Variants in SLC5A11 observed in about 807,000 individuals in gnomAD.
SLC5A11 encodes the protein solute carrier family 5 member 11.
SLC5A11 carries 48 observed loss-of-function variants against 69.8 expected under a neutral mutation model. The ratio of observed to expected loss-of-function variants is 0.69; its 90% CI spans 0.55 to 0.87. SLC5A11 has a LOEUF of 0.87. Among genes scored for constraint, SLC5A11 ranks in the 40% least tolerant of loss-of-function variants. SLC5A11 has a pLI of 0.00. For synonymous variants in SLC5A11, 319 were observed against 342.4 expected, an observed-to-expected ratio of 0.93 and a Z score of 0.75; for missense variants, 784 against 866.1, an observed-to-expected ratio of 0.91 and a Z score of 1.19.
At chr16:24,885,835 G>A (rs1006399856) in intron 8 of SLC5A11, among the ~76,000 whole-genome samples, 2 of 151,912 alleles carry the variant, frequency 1.3e-5, no homozygotes, top group Admixed American at 1.3e-4. Flanking sequence ...TATGAAACAT[G>A]TATGAAAGAT....
intron 1 of SLC5A11, among the ~76,000 whole-genome samples, chr16:24,851,994 T>C (rs274114): frequency 0.5 from 62,482 of 125,904 alleles, 15,731 homozygotes; most frequent in Middle Eastern, 0.63. Context: ...TCTCTCTCTC[T>C]CCCACTCTAT....
chr16:24,898,102 C>A (rs1333320950), exon 10 of SLC5A11: 17 of 1,613,856 alleles, frequency 1.1e-5, no homozygotes, highest in Non-Finnish European at 5.9e-6. Flanking sequence ...GCCGCATCCT[C>A]TTCCCAGGTG....
At chr16:24,890,139 G>A (rs575159024) in intron 8 of SLC5A11, among the ~76,000 whole-genome samples, 3 of 152,200 alleles carry the variant, frequency 2.0e-5, no homozygotes, top group South Asian at 2.1e-4. Context: ...TTTCTATACC[G>A]CACTTCTTAA....
chr16:24,852,944 C>T (rs2059376009), intron 1 of SLC5A11, among the ~76,000 whole-genome samples: 1 of 150,644 alleles, frequency 6.6e-6, no homozygotes, highest in African/African-American at 2.5e-5. Flanking sequence ...TTCCCAGGGC[C>T]TAGCACAGAG....
chr16:24,891,061 G>C, exon 9 of SLC5A11: 1 of 1,614,046 alleles, frequency 6.2e-7, no homozygotes, highest in Non-Finnish European at 8.5e-7. Flanking sequence ...CTCTGGTACT[G>C]GTGCACGGAT....
In SLC5A11 at chr16:24,868,328, T is replaced by C. The variant is rs376656835; in HGVS notation, c.208-1573T>C. On this transcript the variant is annotated intron_variant, in intron 3 of 15. Coordinates refer to ENST00000347898, the Ensembl canonical transcript of SLC5A11. ...ATTAGAGGCCAGGTGTGGTGGCTCATGCCTGTAATCCCAGCACTTTGGGAG... is the reference window on the plus strand; with the variant it reads ...ATTAGAGGCCAGGTGTGGTGGCTCACGCCTGTAATCCCAGCACTTTGGGAG... Among the ~76,000 whole-genome samples, 460 of 149,160 alleles carry C rather than the reference T, an allele frequency of 3.1e-3. 4 individuals carry two copies. Among genetic ancestry groups the C allele is most frequent in the Middle Eastern group, 0.021 (6 of 284 alleles).
chr16:24,905,644 A>G (rs200505524), intron 10 of SLC5A11, among the ~76,000 whole-genome samples: 21,522 of 61,872 alleles, frequency 0.35, 1,654 homozygotes, highest in African/African-American at 0.4. Context: ...GCGCGCGCAC[A>G]CACACACACA....
intron 1 of SLC5A11, among the ~76,000 whole-genome samples, chr16:24,854,144 G>A (rs933400604): frequency 3.3e-5 from 5 of 152,198 alleles, no homozygotes; most frequent in African/African-American, 7.2e-5. Flanking sequence ...TGGAAGGGGC[G>A]GGCAGGGACA....
chr16:24,873,201 G>A (rs2047429586), intron 5 of SLC5A11, among the ~76,000 whole-genome samples: 1 of 142,880 alleles, frequency 7.0e-6, no homozygotes, highest in African/African-American at 2.6e-5. Flanking sequence ...AAAGGGAAAG[G>A]AGAAGAAGGA....
intron 2 of SLC5A11, among the ~76,000 whole-genome samples, chr16:24,860,166 A>G (rs1300618636): frequency 6.6e-6 from 1 of 152,232 alleles, no homozygotes; most frequent in South Asian, 2.1e-4. Flanking sequence ...GGGTGCCTAT[A>G]GTCCCAGCTA....
chr16:24,890,552 G>GA (rs2048722938), intron 8 of SLC5A11, among the ~76,000 whole-genome samples: 1 of 126,012 alleles, frequency 7.9e-6, no homozygotes, highest in African/African-American at 3.2e-5. Flanking sequence ...AAGAAAGAAA[G>GA]AAAGAAAAAA....
At chr16:24,911,342 A>G (rs547836880) in exon 16 of SLC5A11, 1 of 1,613,976 alleles carries the variant, frequency 6.2e-7, no homozygotes, top group East Asian at 2.2e-5. Context: ...CATGACCCCA[A>G]AGCAGTCCAA....
chr16:24,908,866 G>T lies in SLC5A11; in HGVS notation c.1435-15G>T, dbSNP rs1160088069. On this transcript the variant is annotated splice_polypyrimidine_tract_variant and intron_variant, in intron 13 of 15. Transcript: ENST00000347898. ...CCCTTGGCGTCTCTAAGATGATCTT[G>T]CTCTGATTTTGCAGGGTGCCTTCTG... 1 of 1,610,624 alleles carries T rather than the reference G, an allele frequency of 6.2e-7. No individual in the cohort carries two copies. The highest frequency in any genetic ancestry group is 8.5e-7 in the Non-Finnish European group (1 of 1,179,840).
intron 1 of SLC5A11, among the ~76,000 whole-genome samples, chr16:24,852,122 T>G (rs2059339030): frequency 6.6e-6 from 1 of 152,148 alleles, no homozygotes; most frequent in African/African-American, 2.4e-5. Context: ...GGCTTCATGC[T>G]ATAAATTGTG....
At chr16:24,906,738 A>C (rs2050092162) in exon 11 of SLC5A11, 2 of 1,613,274 alleles carry the variant, frequency 1.2e-6, no homozygotes, top group Admixed American at 1.7e-5. Context: ...GCGTATCCCA[A>C]ACTCGTGCTG....
At chr16:24,910,211 G>T in intron 14 of SLC5A11, 95 bp from the exon 16 acceptor site, 2 of 1,293,142 alleles carry the variant, frequency 1.5e-6, no homozygotes, top group Middle Eastern at 2.8e-4. Context: ...AGACACAAAG[G>T]CTGAGTGTGG....
At chr16:24,868,827 CCT>C (rs1185700794) in intron 3 of SLC5A11, among the ~76,000 whole-genome samples, 2 of 151,626 alleles carry the variant, frequency 1.3e-5, no homozygotes, top group Non-Finnish European at 2.9e-5. Flanking sequence ...TCCTCCTCCT[CCT>C]CTTTTTCTTC....
chr16:24,875,175 T>C (rs1213976778), intron 5 of SLC5A11, among the ~76,000 whole-genome samples: 4 of 152,102 alleles, frequency 2.6e-5, no homozygotes, highest in East Asian at 1.9e-4. Context: ...GAATTTGTTT[T>C]TGTCTACCAT....
At chr16:24,901,962 A>ACACGCGCG (rs1555532986) in intron 10 of SLC5A11, among the ~76,000 whole-genome samples, 3 of 125,614 alleles carry the variant, frequency 2.4e-5, no homozygotes, top group Admixed American at 1.5e-4. Flanking sequence ...ACACACGCAC[A>ACACGCGCG]CACACACACA....
Sources: gnomAD v4.1 joint callset for allele counts (sites outside exome capture counted in the v4.1 genomes callset) on GRCh38, gnomAD v4.1.1 for gene constraint, MANE v1.5 for transcripts, NCBI Gene and HGNC (gene_info 2026-07-23, HGNC 2026-07-21) for gene names.